The following MAP3K8 variants were observed in gnomAD, a reference collection of about 807,000 sequenced individuals.
MAP3K8 encodes the protein mitogen-activated protein kinase kinase kinase 8.
MAP3K8 carries 22 observed loss-of-function variants against 45.8 expected under a neutral mutation model. That is an observed-to-expected ratio of 0.48 (90% CI 0.34 to 0.69). The LOEUF is 0.69. Among genes scored for constraint, MAP3K8 ranks in the 30% least tolerant of loss-of-function variants. The pLI is 0.01. For synonymous variants in MAP3K8, 223 were observed against 214.3 expected, an observed-to-expected ratio of 1.04 and a Z score of -0.36; for missense variants, 419 against 585.0, an observed-to-expected ratio of 0.72 and a Z score of 2.93.
intron 3 of MAP3K8, among the ~76,000 whole-genome samples, chr10:30,444,760 T>C (rs947567415): frequency 6.6e-6 from 1 of 152,224 alleles, no homozygotes; most frequent in African/African-American, 2.4e-5. Context: ...TGAGTTATTT[T>C]TATAACCCGG....
At chr10:30,439,929 T>C (rs1836044315) in intron 3 of MAP3K8, among the ~76,000 whole-genome samples, 1 of 152,272 alleles carries the variant, frequency 6.6e-6, no homozygotes, top group East Asian at 1.9e-4. Flanking sequence ...AAACACTTTG[T>C]CACTAATTAA....
chr10:30,434,744 AC>A, intron 1 of MAP3K8: 2 of 985,492 alleles, frequency 2.0e-6, no homozygotes, highest in Non-Finnish European at 2.4e-6. Flanking sequence ...CCTGCCCGAG[AC>A]CCGGTGAGTG....
In MAP3K8 at chr10:30,437,266, G is replaced by A. The variant is rs1835944111; in HGVS notation, c.-164G>A. 1 of 985,248 alleles carries A rather than the reference G, an allele frequency of 1.0e-6. No individual in the cohort carries two copies. Among genetic ancestry groups the A allele is most frequent in the African/African-American group, 1.7e-5 (1 of 57,218 alleles). The allele number at this position is 985,248 out of a possible 1,614,324, so 61.0% of individuals were successfully genotyped here. On this transcript the variant is annotated 5_prime_UTR_variant, in exon 2 of 9. Transcript: ENST00000263056. ...AGGAAGCTAACGCAGTATCTGCAAA[G>A]CCAGGAGTCTGACTCAGTACTTTTC...
At position 30,438,948 on chromosome 10, in the gene MAP3K8, A is replaced by G; in HGVS notation, c.10A>G (p.Met4Val). 5 of 1,607,036 alleles carry G rather than the reference A, an allele frequency of 3.1e-6. No individual in the cohort carries two copies. The highest frequency in any genetic ancestry group is 4.3e-6 in the Non-Finnish European group (5 of 1,174,684). MEY[M>V]STGSDNKEEI... ...AGAAAGAGCAACAGTAATGGAGTACATGAGCACTGGAAGTGACAATAAAGA... is the reference window on the plus strand; with the variant it reads ...AGAAAGAGCAACAGTAATGGAGTACGTGAGCACTGGAAGTGACAATAAAGA... Residue 4 changes from methionine to valine, a missense_variant, in exon 3 of 9, where the codon ATG (methionine) becomes GTG (valine). Transcript: ENST00000263056.
intron 6 of MAP3K8, among the ~76,000 whole-genome samples, chr10:30,455,583 A>T (rs768393897): frequency 1.1e-4 from 17 of 152,240 alleles, no homozygotes; most frequent in Non-Finnish European, 2.1e-4. Context: ...TGCGAATAAC[A>T]AATCAGAATT....
intron 6 of MAP3K8, among the ~76,000 whole-genome samples, chr10:30,453,972 GGAAGGAAAGAAAAA>G: frequency 1.3e-5 from 2 of 150,468 alleles, no homozygotes; most frequent in South Asian, 4.2e-4. Context: ...GAAAAAGGAA[GGAAGGAAAGAAAAA>G]GAAGGAAAGA....
intron 1 of MAP3K8, among the ~76,000 whole-genome samples, chr10:30,436,150 T>C (rs777746619): frequency 6.6e-6 from 1 of 152,240 alleles, no homozygotes; most frequent in Non-Finnish European, 1.5e-5. Flanking sequence ...TGAGGACTTT[T>C]ATTGTAAACT....
intron 3 of MAP3K8, among the ~76,000 whole-genome samples, chr10:30,444,270 C>T (rs898366702): frequency 1.3e-5 from 2 of 151,390 alleles, no homozygotes; most frequent in African/African-American, 4.9e-5. Flanking sequence ...TCGAGACCAG[C>T]CTGACCAACA....
At chr10:30,449,238 T>G (rs746681777) in intron 4 of MAP3K8, among the ~76,000 whole-genome samples, 13 of 152,006 alleles carry the variant, frequency 8.6e-5, no homozygotes, top group Non-Finnish European at 1.6e-4. Context: ...CATCTGTGTG[T>G]TTTTTCTGGT....
rs767198025 is a variant in MAP3K8, at chr10:30,439,138, G to A, written c.200G>A (p.Gly67Asp). The change falls in exon 3 of 9, where the codon GGC (glycine) becomes GAC (aspartate). Residue 67 changes from glycine to aspartate, a missense_variant. Gly to Asp is a moderately conservative substitution (Grantham distance 94, BLOSUM62 -1). Around this residue, in one of 3 missense-constraint regions of MAP3K8, gnomAD observed 102 missense variants for 93.5 expected, o/e 1.09. Coordinates refer to ENST00000263056, the MANE Select transcript of MAP3K8 (RefSeq NM_005204.4). ...DERSKSLLLS[G>D]QEVPWLSSVR... ...CGTTCTAAGTCTCTGCTGCTTAGTG[G>A]CCAAGAGGTACCATGGTTGTCATCA... 3.7e-6 allele frequency: 6 copies of A among 1,614,104 alleles called. No individual in the cohort carries two copies. In the East Asian group the frequency reaches 8.9e-5, roughly 24 times the overall value.
intron 5 of MAP3K8, chr10:30,450,720 TTTCAACAGTTGTTGAAAGGTTA>T: frequency 1.7e-6 from 1 of 578,402 alleles, no homozygotes; most frequent in East Asian, 2.9e-5. Context: ...GAAAGATTAC[TTTCAACAGTTGTTGAAAGGTTA>T]TAGCTACATA....
chr10:30,448,889 A>G (rs1192913192), intron 4 of MAP3K8, among the ~76,000 whole-genome samples: 2 of 152,188 alleles, frequency 1.3e-5, no homozygotes, highest in East Asian at 3.8e-4. Flanking sequence ...ACCAAAAACT[A>G]AAAGCTATGT....
At position 30,451,749 on chromosome 10, in the gene MAP3K8, T is replaced by C; in HGVS notation, c.873+5T>C. 3 of 1,458,208 alleles carry C rather than the reference T, an allele frequency of 2.1e-6. No individual in the cohort carries two copies. The highest frequency in any genetic ancestry group is 2.8e-6 in the Non-Finnish European group (3 of 1,058,604). 90.3% of individuals were successfully genotyped at this position (1,458,208 alleles called of 1,614,324 possible). A position where few individuals can be genotyped will look rare whatever the true frequency, so the allele number is the denominator to read the frequency against. Reference sequence around the variant, plus strand: ...AAGGACCTCCGAGGAACAGAGGTAATTATGTTCACATGAAAAGGGTTACTA... The same window carrying C: ...AAGGACCTCCGAGGAACAGAGGTAACTATGTTCACATGAAAAGGGTTACTA... On this transcript the variant is annotated splice_donor_5th_base_variant and intron_variant, in intron 6 of 8. Transcript: ENST00000263056.
chr10:30,442,596 G>A (rs1026251232), intron 3 of MAP3K8, among the ~76,000 whole-genome samples: 2 of 152,204 alleles, frequency 1.3e-5, no homozygotes, highest in Non-Finnish European at 2.9e-5. Flanking sequence ...AGCAAGATCT[G>A]GGGAAGAAGC....
rs1158880021 is a variant in MAP3K8, at chr10:30,460,777, G to A, written c.1345G>A (p.Gly449Ser). ...KRQRSLYIDL[G>S]ALAGYFNLVR... Reference sequence around the variant, plus strand: ...GCAACGCTCTCTCTACATCGACCTCGGCGCTCTGGCTGGCTACTTCAATCT... The same window carrying A: ...GCAACGCTCTCTCTACATCGACCTCAGCGCTCTGGCTGGCTACTTCAATCT... Residue 449 changes from glycine (G) to serine (S), a missense_variant, in exon 9 of 9, where the codon GGC (glycine) becomes AGC (serine). By Grantham distance (56) the Gly-to-Ser change is moderately conservative. Around this residue, in one of 3 missense-constraint regions of MAP3K8, gnomAD observed 108 missense variants for 124.2 expected, o/e 0.87. Coordinates refer to ENST00000263056, the MANE Select transcript of MAP3K8 (RefSeq NM_005204.4). 5.6e-6 allele frequency: 9 copies of A among 1,613,948 alleles called. No individual in the cohort carries two copies. The highest frequency in any genetic ancestry group is 5.9e-6 in the Non-Finnish European group (7 of 1,179,984).
At position 30,447,918 on chromosome 10, in the gene MAP3K8, T is replaced by C. The variant is rs1177540087; in HGVS notation, c.473T>C (p.Ile158Thr). The C allele has an allele frequency of 3.1e-5, 50 of 1,611,582 alleles. No individual in the cohort carries two copies. In the Admixed American group the frequency reaches 8.0e-4, roughly 26 times the overall value. Residue 158 changes from isoleucine (I) to threonine (T), a missense_variant, in exon 4 of 9, where the codon ATA (isoleucine) becomes ACA (threonine). This residue lies in a region of MAP3K8 where 209 missense variants were observed against 367.3 expected (regional missense o/e 0.57). Coordinates refer to ENST00000263056, the MANE Select transcript of MAP3K8 (RefSeq NM_005204.4). The part of the protein sequence containing the change: ...AFGKVYLAQD[I>T]KTKKRMACKL... ...GGAAAGGTATACTTGGCACAAGATA[T>C]AAAGACGAAGAAAAGAATGGCGTGT...
chr10:30,443,868 AGAG>A (rs1267679063), intron 3 of MAP3K8, among the ~76,000 whole-genome samples: 6 of 152,216 alleles, frequency 3.9e-5, no homozygotes, highest in African/African-American at 9.6e-5. Context: ...AAGAACTGGC[AGAG>A]ATAAGCAGCA....
intron 3 of MAP3K8, among the ~76,000 whole-genome samples, chr10:30,443,611 A>G (rs959397712): frequency 5.3e-5 from 8 of 152,230 alleles, no homozygotes; most frequent in African/African-American, 1.9e-4. Flanking sequence ...GCAGAGTGGG[A>G]CAGAGCTAGC....
In MAP3K8 at chr10:30,459,308, G is replaced by T. The variant is rs761674434; in HGVS notation, c.1080G>T (p.Gly360=). The change falls in exon 8 of 9, where the codon GGG becomes GGT. Residue 360 remains glycine, a synonymous_variant. Coordinates refer to ENST00000263056, the MANE Select transcript of MAP3K8 (RefSeq NM_005204.4). The part of the protein sequence containing the change: ...LEDIADDCSP[G]MRELIEASLE... ...ACATTGCAGATGACTGCAGTCCAGG[G>T]ATGAGAGAGCTGATAGAAGCTTCCC... 2 of 1,614,164 alleles carry T rather than the reference G, an allele frequency of 1.2e-6. No homozygotes were observed. The highest frequency in any genetic ancestry group is 1.1e-5 in the South Asian group (1 of 91,086).
Sources: allele counts gnomAD v4.1 joint callset (sites outside exome capture counted in the v4.1 genomes callset), GRCh38; gene constraint gnomAD v4.1.1; regional missense constraint gnomAD v4.1.1; transcripts MANE v1.5; gene names NCBI Gene and HGNC (gene_info 2026-07-23, HGNC 2026-07-21).